Variants in PIGN observed in about 807,000 individuals in gnomAD.
The protein encoded by PIGN is GPI ethanolamine phosphate transferase 1.
PIGN carries 117 observed loss-of-function variants against 125.4 expected under a neutral mutation model. The ratio of observed to expected loss-of-function variants is 0.93; its 90% CI spans 0.80 to 1.09. The LOEUF is 1.09. PIGN is among the 50% of genes least tolerant of loss of function. The pLI is 0.00. For synonymous variants in PIGN, 392 were observed against 377.8 expected (o/e 1.04, Z -0.44); for missense variants, 1,075 against 1,094.9 (o/e 0.98, Z 0.26).
chr18:62,152,891 C>CA (rs1351760751), intron 7 of PIGN, among the ~76,000 whole-genome samples: 1 of 150,530 alleles, frequency 6.6e-6, no homozygotes, highest in Non-Finnish European at 1.5e-5. Flanking sequence ...ACCACAGTTA[C>CA]AAAAAAACAG....
intron 20 of PIGN, chr18:62,103,948 T>A (rs531960429): frequency 6.6e-6 from 1 of 152,350 alleles, no homozygotes; most frequent in South Asian, 2.1e-4. Flanking sequence ...AATATGTTTT[T>A]ACTTTAGAAC....
intron 23 of PIGN, among the ~76,000 whole-genome samples, chr18:62,090,961 C>A (rs17635535): frequency 0.17 from 25,669 of 151,792 alleles, 2,905 homozygotes; most frequent in Middle Eastern, 0.28. Flanking sequence ...AAAAAATGGG[C>A]GCAACAAGAA....
chr18:62,151,592 G>A (rs1451078365), intron 7 of PIGN, among the ~76,000 whole-genome samples: 20 of 152,152 alleles, frequency 1.3e-4, no homozygotes, highest in Admixed American at 1.3e-3. Flanking sequence ...ATGGAAAGCG[G>A]CCAGCCTATA....
At chr18:62,148,376 T>G (rs968607041) in intron 7 of PIGN, 38 bp from the exon 8 acceptor site, 1 of 1,319,946 alleles carries the variant, frequency 7.6e-7, no homozygotes, top group African/African-American at 1.5e-5. Flanking sequence ...TTTAGTTCAT[T>G]TGTTTTATTT....
At chr18:62,102,948 G>A (rs112653159) in intron 20 of PIGN, 46 bp from the exon 21 acceptor site, 118 of 1,057,980 alleles carry the variant, frequency 1.1e-4, no homozygotes, top group African/African-American at 2.4e-4. Flanking sequence ...AGATATTTAC[G>A]AACACATATC....
intron 28 of PIGN, among the ~76,000 whole-genome samples, chr18:62,081,019 CAATGTT>C (rs2033424031): frequency 6.6e-6 from 1 of 151,810 alleles, no homozygotes; most frequent in South Asian, 2.1e-4. Context: ...TGAAAAAAAA[CAATGTT>C]AATACAACTT....
intron 30 of PIGN, among the ~76,000 whole-genome samples, chr18:62,067,840 C>T (rs944753113): frequency 1.3e-5 from 2 of 152,180 alleles, no homozygotes; most frequent in Admixed American, 6.5e-5. Flanking sequence ...GGTACCTAGG[C>T]ATGGAATTGC....
intron 13 of PIGN, 99 bp from the exon 14 acceptor site, chr18:62,138,397 C>A: frequency 7.1e-7 from 1 of 1,402,026 alleles, no homozygotes; most frequent in Non-Finnish European, 9.4e-7. Context: ...GATGGTTAAC[C>A]ACTTTGAAAA....
At chr18:62,109,729 T>TATA in intron 17 of PIGN, 105 bp downstream of exon 17, 3 of 948,840 alleles carry the variant, frequency 3.2e-6, no homozygotes, top group South Asian at 3.9e-5. Context: ...AGTACAGTAT[T>TATA]ATAAATATAT....
At chr18:62,062,121 CA>C (rs2032189487) in intron 30 of PIGN, among the ~76,000 whole-genome samples, 2 of 152,166 alleles carry the variant, frequency 1.3e-5, no homozygotes, top group Non-Finnish European at 1.5e-5. Context: ...CAGCATCAAT[CA>C]GGGGCAATTC....
At chr18:62,100,913 CTT>C (rs1258333204) in intron 22 of PIGN, among the ~76,000 whole-genome samples, 160 bp downstream of exon 22, 4 of 152,252 alleles carry the variant, frequency 2.6e-5, no homozygotes, top group African/African-American at 7.2e-5. Flanking sequence ...TAAAAATTCT[CTT>C]TGTTAAATTC....
chr18:62,138,567 C>T (rs2036019400), intron 13 of PIGN, among the ~76,000 whole-genome samples: 1 of 152,106 alleles, frequency 6.6e-6, no homozygotes, highest in South Asian at 2.1e-4. Flanking sequence ...ATAAAACAAG[C>T]CAAACCGCTT....
At chr18:62,052,864 T>C (rs887753845) in intron 30 of PIGN, 40 of 353,534 alleles carry the variant, frequency 1.1e-4, no homozygotes, top group Non-Finnish European at 1.7e-4. Flanking sequence ...CCACATTTAG[T>C]GCTTCCTTCA....
intron 14 of PIGN, among the ~76,000 whole-genome samples, chr18:62,124,309 A>G (rs1291994591): frequency 6.6e-6 from 1 of 152,174 alleles, no homozygotes; most frequent in Non-Finnish European, 1.5e-5. Context: ...AAATTTCACT[A>G]AATTTACTAA....
chr18:62,182,530 C>A (rs532516628), intron 1 of PIGN, among the ~76,000 whole-genome samples: 6 of 152,166 alleles, frequency 3.9e-5, no homozygotes, highest in Non-Finnish European at 7.4e-5. Context: ...TTTCTTGAAT[C>A]TGTTCATTTG....
At chr18:62,161,477 A>T (rs1315890681) in intron 3 of PIGN, 92 bp from the exon 4 acceptor site, 1 of 593,792 alleles carries the variant, frequency 1.7e-6, no homozygotes, top group Non-Finnish European at 3.0e-6. Context: ...GATGAAACAT[A>T]TATTTTTAAT....
chr18:62,127,888 A>G (rs12607436), intron 14 of PIGN, among the ~76,000 whole-genome samples: 50,420 of 151,842 alleles, frequency 0.33, 9,271 homozygotes, highest in East Asian at 0.6. Context: ...CATACATAAT[A>G]GCGGAAGGAG....
chr18:62,164,550 C>T (rs1359662769), intron 1 of PIGN, among the ~76,000 whole-genome samples: 12 of 152,070 alleles, frequency 7.9e-5, no homozygotes, highest in Non-Finnish European at 1.3e-4. Context: ...CCAGATCTCA[C>T]GAGAACCCAC....
In PIGN at chr18:62,114,648, A is replaced by AAAAAAAAGAAT; in HGVS notation, c.1173-20_1173-10dup. On this transcript the variant is annotated splice_polypyrimidine_tract_variant and intron_variant, in intron 14 of 30. Transcript: ENST00000640252. ...TGGAATCAGAAAGCAGTCTATATAT[A>AAAAAAAAGAAT]AAAAAAAGAATAGGTTTAAAGGGTT... 5.2e-6 allele frequency: 7 copies of AAAAAAAAGAAT among 1,334,990 alleles called. No individual in the cohort carries two copies. The highest frequency in any genetic ancestry group is 7.2e-6 in the Non-Finnish European group (7 of 965,566). The allele number at this position is 1,334,990 out of a possible 1,614,324, so 82.7% of individuals were successfully genotyped here. A position where few individuals can be genotyped will look rare whatever the true frequency, so the allele number is the denominator to read the frequency against.
Sources: gnomAD v4.1 joint callset for allele counts (sites outside exome capture counted in the v4.1 genomes callset) on GRCh38, gnomAD v4.1.1 for gene constraint, MANE v1.5 for transcripts, NCBI Gene and HGNC (gene_info 2026-07-23, HGNC 2026-07-21) for gene names.